SNX4: variants seen among roughly 807,000 people sequenced by gnomAD.
The protein encoded by SNX4 is sorting nexin-4.
SNX4 carries 49 observed loss-of-function variants against 70.8 expected under a neutral mutation model. That is an observed-to-expected ratio of 0.69 (90% CI 0.55 to 0.88). The LOEUF (loss-of-function observed/expected upper bound fraction) is 0.88. Among genes scored for constraint, SNX4 ranks in the 40% least tolerant of loss-of-function variants. The pLI, the probability that SNX4 is intolerant of heterozygous loss-of-function variation, is 0.00. For synonymous variants in SNX4, 206 were observed against 183.8 expected, an observed-to-expected ratio of 1.12 and a Z score of -0.98; for missense variants, 528 against 544.8, an observed-to-expected ratio of 0.97 and a Z score of 0.31.
At chr3:125,457,200 T>C (rs1933740087) in intron 11 of SNX4, 66 bp downstream of exon 11, 1 of 1,102,052 alleles carries the variant, frequency 9.1e-7, no homozygotes, top group South Asian at 1.2e-5. Context: ...TCACTCAGAG[T>C]GAGTGCTTGT....
At chr3:125,471,344 C>CAAAAAAAAAAAAA (rs767432586) in intron 8 of SNX4, among the ~76,000 whole-genome samples, 848 of 28,076 alleles carry the variant, frequency 0.03, 162 homozygotes, top group Non-Finnish European at 0.034. Context: ...AGCTCCATCT[C>CAAAAAAAAAAAAA]AAAAAAAAAA....
chr3:125,512,427 T>C (rs1935190310), intron 1 of SNX4, among the ~76,000 whole-genome samples: 1 of 152,124 alleles, frequency 6.6e-6, no homozygotes, highest in African/African-American at 2.4e-5. Context: ...AAATCAGCTA[T>C]CATAAAAGCT....
At chr3:125,495,293 C>CAT (rs1934769647) in intron 5 of SNX4, among the ~76,000 whole-genome samples, 1 of 69,550 alleles carries the variant, frequency 1.4e-5, no homozygotes, top group African/African-American at 4.1e-5. Flanking sequence ...TACACACACA[C>CAT]ACACGTATGT....
chr3:125,453,947 T>C lies in SNX4; in HGVS notation c.1053A>G (p.Arg351=). Residue 351 remains arginine, a synonymous_variant, in exon 12 of 14, where the codon AGA becomes AGG. Coordinates refer to ENST00000251775, the MANE Select transcript of SNX4 (RefSeq NM_003794.4). The part of the protein sequence containing the change: ...QCEELVTGTV[R]TFSLKGMTTK... ...TAGTCATTCCCTTCAAAGAGAATGT[T>C]CTCACAGTCTAAAAGGAAACAGAAA... 2 of 1,613,036 alleles carry C rather than the reference T, an allele frequency of 1.2e-6. No individual in the cohort carries two copies. Among genetic ancestry groups the C allele is most frequent in the Non-Finnish European group, 1.7e-6 (2 of 1,179,582 alleles).
Position 125,457,259 on chromosome 3 carries a change from T to C in SNX4, c.1044+7A>G. The C allele has an allele frequency of 1.2e-6, 2 of 1,607,482 alleles. No individual in the cohort carries two copies. The highest frequency in any genetic ancestry group is 1.7e-6 in the Non-Finnish European group (2 of 1,174,162). ...GTATCATCAGAGGCCAAAAGGAAAATACTCACCCCAGTTACCAGTTCCTCA... is the reference window on the plus strand; with the variant it reads ...GTATCATCAGAGGCCAAAAGGAAAACACTCACCCCAGTTACCAGTTCCTCA... On this transcript the variant is annotated splice_region_variant and intron_variant, in intron 11 of 13. Coordinates refer to ENST00000251775, the MANE Select transcript of SNX4 (RefSeq NM_003794.4).
At chr3:125,506,817 TAAAAAAAAAAAAAAAAAA>T (rs71148182) in intron 1 of SNX4, among the ~76,000 whole-genome samples, 26 of 26,838 alleles carry the variant, frequency 9.7e-4, no homozygotes, top group South Asian at 7.4e-3. Flanking sequence ...GTGGAGAAAG[TAAAAAAAAAAAAAAAAAA>T]AAAAAAAAAA....
At chr3:125,488,011 A>G (rs1469822721) in intron 6 of SNX4, among the ~76,000 whole-genome samples, 1 of 152,048 alleles carries the variant, frequency 6.6e-6, no homozygotes, top group Non-Finnish European at 1.5e-5. Flanking sequence ...CAACTGTAAC[A>G]AACACAGCTC....
chr3:125,504,800 A>G, intron 1 of SNX4, 56 bp from the exon 2 acceptor site: 1 of 1,567,294 alleles, frequency 6.4e-7, no homozygotes. Flanking sequence ...GATGGTACTG[A>G]AAAAAGCCTC....
At chr3:125,467,578 T>TTA (rs1934061931) in intron 9 of SNX4, among the ~76,000 whole-genome samples, 1 of 152,128 alleles carries the variant, frequency 6.6e-6, no homozygotes, top group Non-Finnish European at 1.5e-5. Flanking sequence ...TATTATTATT[T>TTA]TTTTTAACTT....
chr3:125,516,326 T>C (rs1935276677), intron 1 of SNX4, among the ~76,000 whole-genome samples: 2 of 152,218 alleles, frequency 1.3e-5, no homozygotes, highest in African/African-American at 4.8e-5. Flanking sequence ...TCTTAGAGAA[T>C]GAATTCCCTT....
chr3:125,466,732 C>A (rs1319748158), intron 9 of SNX4, among the ~76,000 whole-genome samples: 1 of 151,978 alleles, frequency 6.6e-6, no homozygotes, highest in Non-Finnish European at 1.5e-5. Flanking sequence ...GAGGAGGCTG[C>A]AGTAAGCTGA....
intron 2 of SNX4, among the ~76,000 whole-genome samples, chr3:125,502,723 G>A (rs1021449609): frequency 6.6e-6 from 1 of 151,344 alleles, no homozygotes. Context: ...ACATGGTGAC[G>A]GGCGCCTGTA....
At chr3:125,476,632 T>C in intron 8 of SNX4, 63 bp downstream of exon 8, 1 of 970,928 alleles carries the variant, frequency 1.0e-6, no homozygotes, top group Non-Finnish European at 1.6e-6. Context: ...TGTTCAAGAA[T>C]TATTGTTTTC....
At chr3:125,458,285 A>C (rs1176027026) in intron 10 of SNX4, among the ~76,000 whole-genome samples, 1 of 147,308 alleles carries the variant, frequency 6.8e-6, no homozygotes, top group Non-Finnish European at 1.5e-5. Flanking sequence ...CAATCCTCCC[A>C]CCTCAGCCTC....
At chr3:125,484,548 T>C (rs990262088) in intron 6 of SNX4, among the ~76,000 whole-genome samples, 3 of 152,172 alleles carry the variant, frequency 2.0e-5, no homozygotes, top group African/African-American at 7.2e-5. Context: ...AGCTACCATG[T>C]CTGGCCTTAT....
chr3:125,487,765 A>C (rs971295610), intron 6 of SNX4, among the ~76,000 whole-genome samples: 20 of 152,076 alleles, frequency 1.3e-4, no homozygotes, highest in Non-Finnish European at 2.9e-5. Context: ...TTCCAAAAAA[A>C]AAAAACAAAA....
At chr3:125,475,705 G>A (rs1172589203) in intron 8 of SNX4, among the ~76,000 whole-genome samples, 1 of 152,204 alleles carries the variant, frequency 6.6e-6, no homozygotes, top group African/African-American at 2.4e-5. Context: ...GACCAGGCAT[G>A]GTGACTCATG....
chr3:125,447,684 T>C lies in SNX4; in HGVS notation c.*95A>G. On this transcript the variant is annotated 3_prime_UTR_variant, in exon 14 of 14. Coordinates refer to ENST00000251775, the MANE Select transcript of SNX4 (RefSeq NM_003794.4). ...CTGAATTTATTTAACTTATTGTATA[T>C]GTTTATGTATACTAGGTAGTGACTT... The C allele has an allele frequency of 1.3e-6, 1 of 767,050 alleles. No homozygotes were observed. The highest frequency in any genetic ancestry group is 2.1e-6 in the Non-Finnish European group (1 of 466,670). The allele number at this position is 767,050 out of a possible 1,614,324, so 47.5% of individuals were successfully genotyped here.
intron 8 of SNX4, among the ~76,000 whole-genome samples, chr3:125,470,496 AAAAAAAC>A (rs1452073015): frequency 7.7e-4 from 117 of 151,690 alleles, no homozygotes; most frequent in African/African-American, 2.7e-3. Context: ...AGTTAAAAAA[AAAAAAAC>A]AAAAAACACA....
Sources: allele counts gnomAD v4.1 joint callset (sites outside exome capture counted in the v4.1 genomes callset), GRCh38; gene constraint gnomAD v4.1.1; transcripts MANE v1.5; gene names NCBI Gene and HGNC (gene_info 2026-07-23, HGNC 2026-07-21).